SAMD12: variants seen among roughly 807,000 people sequenced by gnomAD.
SAMD12 encodes the protein sterile alpha motif domain-containing protein 12.
A neutral mutation model predicts 15.0 loss-of-function variants in SAMD12; 9 were observed. The observed-to-expected ratio is 0.60, with a 90% confidence interval of 0.36 to 1.05. The LOEUF (loss-of-function observed/expected upper bound fraction) is 1.05. Ranked by LOEUF, SAMD12 falls within the 50% of genes least tolerant of loss-of-function variation. The probability of loss-of-function intolerance (pLI) is 0.01; values close to 1 mark genes in which losing one functional copy is unlikely to be tolerated. For synonymous variants in SAMD12, 86 were observed against 90.1 expected (o/e 0.96, Z 0.25); for missense variants, 230 against 234.2 (o/e 0.98, Z 0.12).
chr8:118,490,445 AT>A (rs1177212946), intron 2 of SAMD12, among the ~76,000 whole-genome samples: 4 of 152,204 alleles, frequency 2.6e-5, no homozygotes, highest in African/African-American at 9.6e-5. Flanking sequence ...AATGCAAAAT[AT>A]GGAAATGTGA....
chr8:118,376,010 T>G (rs1378101155), downstream of SAMD12, among the ~76,000 whole-genome samples: 2 of 152,150 alleles, frequency 1.3e-5, no homozygotes, highest in Non-Finnish European at 2.9e-5. Context: ...ATATTAGTAT[T>G]CTTCATTCTC....
intron 4 of SAMD12, among the ~76,000 whole-genome samples, chr8:118,295,153 A>T (rs1424003271): frequency 6.6e-6 from 1 of 152,194 alleles, no homozygotes; most frequent in African/African-American, 2.4e-5. Context: ...CTCCATCACA[A>T]CATGAACTAA....
At chr8:118,166,567 G>T in the SAMD12 span, among the ~76,000 whole-genome samples, 1 of 152,094 alleles carries the variant, frequency 6.6e-6, no homozygotes, top group Non-Finnish European at 1.5e-5. Context: ...AAACCTCAAA[G>T]AACTTTATAA....
intron 1 of SAMD12, among the ~76,000 whole-genome samples, chr8:118,611,383 G>A (rs1180380748): frequency 6.6e-6 from 1 of 152,128 alleles, no homozygotes; most frequent in Non-Finnish European, 1.5e-5. Context: ...GCATCACAAA[G>A]CACGGATACA....
At chr8:118,466,874 C>G (rs887755968) in intron 2 of SAMD12, among the ~76,000 whole-genome samples, 6 of 152,098 alleles carry the variant, frequency 3.9e-5, no homozygotes, top group African/African-American at 1.4e-4. Context: ...CAAATTTTGA[C>G]AAATCTTAAA....
At chr8:118,583,664 T>C (rs1453722455) in intron 1 of SAMD12, among the ~76,000 whole-genome samples, 2 of 152,262 alleles carry the variant, frequency 1.3e-5, no homozygotes, top group Non-Finnish European at 2.9e-5. Context: ...CTGGTCCTAC[T>C]CCAACCTAAT....
chr8:118,441,331 A>G (rs59462130), intron 2 of SAMD12, among the ~76,000 whole-genome samples: 3,650 of 152,280 alleles, frequency 0.024, 130 homozygotes, highest in African/African-American at 0.083. Context: ...AGACACAACT[A>G]TCCCTTGGGC....
chr8:118,341,305 C>T (rs536004302), intron 4 of SAMD12, among the ~76,000 whole-genome samples: 4 of 152,294 alleles, frequency 2.6e-5, no homozygotes, highest in East Asian at 3.9e-4. Context: ...CCTCACCTCT[C>T]GTATTTCACT....
intron 4 of SAMD12, among the ~76,000 whole-genome samples, chr8:118,261,633 AT>A (rs11432849): frequency 8.7e-3 from 1,251 of 143,258 alleles, no homozygotes; most frequent in Middle Eastern, 0.011. Flanking sequence ...AAAACACATG[AT>A]TTTTTTTTTT....
intron 2 of SAMD12, among the ~76,000 whole-genome samples, chr8:118,551,303 G>T (rs1165100901): frequency 2.0e-5 from 3 of 150,568 alleles, no homozygotes; most frequent in Admixed American, 2.0e-4. Flanking sequence ...AAATGTAAAA[G>T]AACAGAAATT....
chr8:118,274,101 C>T (rs1813423970), intron 4 of SAMD12, among the ~76,000 whole-genome samples: 1 of 152,116 alleles, frequency 6.6e-6, no homozygotes, highest in Non-Finnish European at 1.5e-5. Flanking sequence ...ACATTTTCTG[C>T]TTTATAGACA....
intron 4 of SAMD12, among the ~76,000 whole-genome samples, chr8:118,311,448 C>CT (rs780317255): frequency 1.3e-5 from 2 of 152,198 alleles, no homozygotes; most frequent in Non-Finnish European, 2.9e-5. Context: ...CAGAAACTCT[C>CT]TGGCCTACAA....
At chr8:118,161,716 TTA>T in the SAMD12 span, among the ~76,000 whole-genome samples, 25 of 151,598 alleles carry the variant, frequency 1.6e-4, no homozygotes, top group East Asian at 4.4e-3. Flanking sequence ...TTATTTATTA[TTA>T]TTATTATTGT....
chr8:118,572,666 G>C (rs1362434196), intron 2 of SAMD12, among the ~76,000 whole-genome samples: 1 of 152,134 alleles, frequency 6.6e-6, no homozygotes, highest in Non-Finnish European at 1.5e-5. Flanking sequence ...GACATGCCTT[G>C]CTCCTCTTTG....
chr8:118,275,705 C>T (rs1813458738), intron 4 of SAMD12, among the ~76,000 whole-genome samples: 1 of 152,124 alleles, frequency 6.6e-6, no homozygotes, highest in South Asian at 2.1e-4. Context: ...TCTTTGACCC[C>T]ATCCCTCTCT....
At chr8:118,509,908 T>TTAATAATAG (rs1825027642) in intron 2 of SAMD12, among the ~76,000 whole-genome samples, 1 of 152,196 alleles carries the variant, frequency 6.6e-6, no homozygotes. Context: ...ACAACAGATT[T>TTAATAATAG]TAATAATAGT....
chr8:118,270,500 A>C (rs774341528), intron 4 of SAMD12, among the ~76,000 whole-genome samples: 56 of 152,212 alleles, frequency 3.7e-4, no homozygotes, highest in Non-Finnish European at 7.4e-4. Flanking sequence ...TGTTTGTTAT[A>C]TTTAGATTGT....
intron 3 of SAMD12, among the ~76,000 whole-genome samples, chr8:118,400,958 A>G (rs913734953): frequency 1.3e-5 from 2 of 152,248 alleles, no homozygotes; most frequent in African/African-American, 4.8e-5. Flanking sequence ...AGTCTTCCAC[A>G]TAAAGATGTC....
rs568630942 is a variant in SAMD12 at position 118,360,101 on chromosome 8, T to C, written c.433+19459A>G. Among the ~76,000 whole-genome samples, 105 of 152,328 alleles carry C rather than the reference T, an allele frequency of 6.9e-4. 1 individual carries two copies. The highest frequency in any genetic ancestry group is 2.5e-3 in the African/African-American group (104 of 41,576). On this transcript the variant is annotated intron_variant, in intron 4 of 4. Transcript: ENST00000409003. ...GCTCCACCTGGGCAGTGGTCATCTT[T>C]ATCAATACACAAAGAAGTCCACTGA...
Sources: gnomAD v4.1 joint callset for allele counts (sites outside exome capture counted in the v4.1 genomes callset) on GRCh38, gnomAD v4.1.1 for gene constraint, MANE v1.5 for transcripts, NCBI Gene and HGNC (gene_info 2026-07-23, HGNC 2026-07-21) for gene names.